The following MITF variants were observed in gnomAD, a reference collection of about 807,000 sequenced individuals.
MITF encodes microphthalmia-associated transcription factor.
Under a neutral mutation model 60.5 loss-of-function variants are expected in MITF, and 17 were observed. The ratio of observed to expected loss-of-function variants is 0.28; its 90% CI spans 0.19 to 0.42. MITF has a LOEUF of 0.42. Among genes scored for constraint, MITF ranks in the 10% least tolerant of loss-of-function variants. The pLI, the probability that MITF is intolerant of heterozygous loss-of-function variation, is 1.00. For synonymous variants in MITF, 260 were observed against 248.5 expected (o/e 1.05, Z -0.43); for missense variants, 622 against 683.5 (o/e 0.91, Z 1.00).
intron 1 of MITF, among the ~76,000 whole-genome samples, chr3:69,779,867 A>G (rs926905572): frequency 6.6e-6 from 1 of 152,186 alleles, no homozygotes; most frequent in African/African-American, 2.4e-5. Flanking sequence ...AGGGAAATCC[A>G]TGATATGCTG....
At chr3:69,837,971 A>G (rs369001509) in intron 1 of MITF, among the ~76,000 whole-genome samples, 6 of 152,340 alleles carry the variant, frequency 3.9e-5, no homozygotes, top group African/African-American at 1.4e-4. Flanking sequence ...TGTACATAGA[A>G]CGTTCTGGAA....
chr3:69,890,195 T>G (rs967991324), intron 2 of MITF, among the ~76,000 whole-genome samples: 1 of 152,130 alleles, frequency 6.6e-6, no homozygotes, highest in African/African-American at 2.4e-5. Context: ...TATGTATGGT[T>G]GATATTTCCT....
At chr3:69,831,564 A>T (rs115223851) in intron 1 of MITF, among the ~76,000 whole-genome samples, 1 of 152,244 alleles carries the variant, frequency 6.6e-6, no homozygotes, top group Non-Finnish European at 1.5e-5. Flanking sequence ...GGATTTCACA[A>T]CAATCTTGAT....
chr3:69,748,903 T>C (rs1703826982), intron 1 of MITF, among the ~76,000 whole-genome samples: 1 of 152,238 alleles, frequency 6.6e-6, no homozygotes, highest in Non-Finnish European at 1.5e-5. Flanking sequence ...CAGAGAGGTT[T>C]CACTTAGCCT....
chr3:69,964,025 G>A (rs2066620304), intron 9 of MITF, among the ~76,000 whole-genome samples: 1 of 133,662 alleles, frequency 7.5e-6, no homozygotes, highest in East Asian at 2.2e-4. Flanking sequence ...AGCCCAGGCT[G>A]GAGCGCAATG....
chr3:69,783,503 T>A (rs946834567), intron 1 of MITF, among the ~76,000 whole-genome samples: 5 of 148,750 alleles, frequency 3.4e-5, no homozygotes, highest in African/African-American at 7.3e-5. Flanking sequence ...TATATATATA[T>A]AATTTATATA....
At chr3:69,874,969 A>G (rs2064321073) in intron 1 of MITF, among the ~76,000 whole-genome samples, 1 of 152,204 alleles carries the variant, frequency 6.6e-6, no homozygotes, top group Non-Finnish European at 1.5e-5. Flanking sequence ...TCTGCCATAG[A>G]GGTAGGAACT....
At chr3:69,761,511 G>A (rs1458772113) in intron 1 of MITF, among the ~76,000 whole-genome samples, 2 of 152,206 alleles carry the variant, frequency 1.3e-5, no homozygotes, top group African/African-American at 2.4e-5. Flanking sequence ...GTGTTCGGAG[G>A]TTTGGAGGGA....
At chr3:69,934,988 G>A (rs1449096952) in intron 2 of MITF, among the ~76,000 whole-genome samples, 1 of 152,144 alleles carries the variant, frequency 6.6e-6, no homozygotes. Context: ...AGCTAGGCTG[G>A]ACTCATATTC....
At chr3:69,837,524 G>A (rs544665315) in intron 1 of MITF, among the ~76,000 whole-genome samples, 4 of 152,080 alleles carry the variant, frequency 2.6e-5, no homozygotes, top group Admixed American at 6.6e-5. Flanking sequence ...AATTCTGTTC[G>A]TGTGTATTTA....
chr3:69,931,565 T>A (rs2065723044), intron 2 of MITF, among the ~76,000 whole-genome samples: 2 of 152,202 alleles, frequency 1.3e-5, no homozygotes, highest in Admixed American at 1.3e-4. Flanking sequence ...TGTTTTAACA[T>A]CAAATTTTCA....
At chr3:69,870,835 A>T (rs1355771047) in intron 1 of MITF, among the ~76,000 whole-genome samples, 1 of 152,150 alleles carries the variant, frequency 6.6e-6, no homozygotes, top group Non-Finnish European at 1.5e-5. Context: ...GAGTGTGCCT[A>T]GCCAAAACAA....
intron 2 of MITF, among the ~76,000 whole-genome samples, chr3:69,919,341 T>C (rs979217928): frequency 1.3e-5 from 2 of 152,250 alleles, no homozygotes; most frequent in African/African-American, 4.8e-5. Flanking sequence ...TTGTTTAATT[T>C]AATGCTATTT....
chr3:69,826,372 C>T (rs2063354818), intron 1 of MITF, among the ~76,000 whole-genome samples: 1 of 152,190 alleles, frequency 6.6e-6, no homozygotes, highest in African/African-American at 2.4e-5. Context: ...GATTCTTCCT[C>T]ATTGCTGTAA....
At chr3:69,822,909 T>G (rs537120176) in intron 1 of MITF, among the ~76,000 whole-genome samples, 1 of 152,066 alleles carries the variant, frequency 6.6e-6, no homozygotes, top group African/African-American at 2.4e-5. Flanking sequence ...GTTTGTTTTT[T>G]TTTTTTTCTT....
Position 69,966,058 on chromosome 3 carries a change from T to A in MITF, c.*810T>A, listed in dbSNP as rs987275102. 2 of 232,448 alleles carry A rather than the reference T, an allele frequency of 8.6e-6. No homozygotes were observed. The highest frequency in any genetic ancestry group is 1.7e-5 in the Non-Finnish European group (2 of 117,612). The allele number at this position is 232,448 out of a possible 1,614,324, so 14.4% of individuals were successfully genotyped here. A position where few individuals can be genotyped will look rare whatever the true frequency, so the allele number is the denominator to read the frequency against. ...AATATTGAGGAGCACTGAAAGTATG[T>A]TTTACTTTTTTTTTATTTTATTTTT... On this transcript the variant is annotated 3_prime_UTR_variant, in exon 10 of 10. Transcript: ENST00000352241.
chr3:69,743,289 A>T (rs559230223), intron 1 of MITF, among the ~76,000 whole-genome samples: 1 of 152,364 alleles, frequency 6.6e-6, no homozygotes, highest in South Asian at 2.1e-4. Flanking sequence ...ACAATGCGTG[A>T]CACAATAAAT....
At chr3:69,814,891 T>C (rs1188740378) in intron 1 of MITF, among the ~76,000 whole-genome samples, 2 of 152,062 alleles carry the variant, frequency 1.3e-5, no homozygotes, top group African/African-American at 4.8e-5. Flanking sequence ...TTACTGGAGA[T>C]CATATAGTGT....
At chr3:69,866,024 G>T (rs1005318307) in intron 1 of MITF, among the ~76,000 whole-genome samples, 1 of 152,174 alleles carries the variant, frequency 6.6e-6, no homozygotes, top group Non-Finnish European at 1.5e-5. Context: ...TGGCTGCTGG[G>T]CTGCCTCCCT....
Sources: gnomAD v4.1 joint callset for allele counts (sites outside exome capture counted in the v4.1 genomes callset) on GRCh38, gnomAD v4.1.1 for gene constraint, MANE v1.5 for transcripts, NCBI Gene and HGNC (gene_info 2026-07-23, HGNC 2026-07-21) for gene names.